PODXL2: variants seen among roughly 807,000 people sequenced by gnomAD.
PODXL2 encodes podocalyxin-like protein 2.
A neutral mutation model predicts 53.4 loss-of-function variants in PODXL2; 17 were observed. That is an observed-to-expected ratio of 0.32 (90% confidence interval 0.22 to 0.48). The LOEUF (loss-of-function observed/expected upper bound fraction) is 0.48, where lower values mean the gene tolerates loss of function less well. Ranked by LOEUF, PODXL2 falls within the 20% of genes least tolerant of loss-of-function variation. The pLI, the probability that PODXL2 is intolerant of heterozygous loss-of-function variation, is 0.99. For synonymous variants in PODXL2, 311 were observed against 306.7 expected (o/e 1.01, Z -0.15); for missense variants, 673 against 760.0 (o/e 0.89, Z 1.35).
intron 1 of PODXL2, among the ~76,000 whole-genome samples, chr3:127,634,164 G>A (rs1236391335): frequency 6.6e-6 from 1 of 152,100 alleles, no homozygotes; most frequent in South Asian, 2.1e-4. Flanking sequence ...AGTGGCTCAC[G>A]CCTGTAATCC....
At chr3:127,644,969 C>T (rs1488487392) in intron 2 of PODXL2, among the ~76,000 whole-genome samples, 1 of 152,236 alleles carries the variant, frequency 6.6e-6, no homozygotes, top group Non-Finnish European at 1.5e-5. Context: ...TCAATCTCTT[C>T]TCTGTACTAC....
intron 2 of PODXL2, among the ~76,000 whole-genome samples, chr3:127,654,325 ATCT>A (rs1424157468): frequency 2.6e-5 from 4 of 152,150 alleles, no homozygotes; most frequent in South Asian, 2.1e-4. Flanking sequence ...GTGATGCTGT[ATCT>A]TCTTAGTGAA....
At chr3:127,667,847 G>T (rs1377203133) in intron 4 of PODXL2, among the ~76,000 whole-genome samples, 1 of 152,190 alleles carries the variant, frequency 6.6e-6, no homozygotes, top group African/African-American at 2.4e-5. Context: ...CACACAGATG[G>T]CTTCCCCACT....
chr3:127,671,670 A>C (rs763659009), intron 7 of PODXL2, 57 bp downstream of exon 7: 303 of 1,523,522 alleles, frequency 2.0e-4, no homozygotes, highest in Non-Finnish European at 2.6e-4. Context: ...GCCCATCGAT[A>C]GGTGTCCTCA....
Position 127,661,098 on chromosome 3 carries a change from A to G in PODXL2, c.1070A>G (p.Gln357Arg), listed in dbSNP as rs148570678. 1.2e-5 allele frequency: 19 copies of G among 1,614,094 alleles called. No homozygotes were observed. The African/African-American group carries it at 2.5e-4, about 22-fold the overall frequency. ...ACCTTGGGACAAGAAGATCTCAACC[A>G]GCAGCTCCTAGAAGGGCAGGCAGCT... is the stretch of plus-strand genomic sequence containing the variant. ...SATLGQEDLN[Q>R]QLLEGQAAEA... Residue 357 changes from glutamine (Q) to arginine (R), a missense_variant, in exon 3 of 8, where the codon CAG becomes CGG. Gln to Arg is a conservative substitution (Grantham distance 43, BLOSUM62 1). Around this residue, in one of 3 missense-constraint regions of PODXL2, gnomAD observed 588 missense variants for 668.3 expected, o/e 0.88. Transcript: ENST00000342480.
At chr3:127,658,378 T>G (rs2074738643) in intron 2 of PODXL2, among the ~76,000 whole-genome samples, 1 of 151,554 alleles carries the variant, frequency 6.6e-6, no homozygotes, top group Non-Finnish European at 1.5e-5. Context: ...TTCATTGCAT[T>G]CCTCTCATGT....
At chr3:127,670,349 G>A (rs2074824501) in intron 6 of PODXL2, among the ~76,000 whole-genome samples, 1 of 152,212 alleles carries the variant, frequency 6.6e-6, no homozygotes, top group South Asian at 2.1e-4. Context: ...TCTACTGCCT[G>A]GAGGGCCACT....
At chr3:127,662,169 G>A (rs1192246875) in intron 3 of PODXL2, 68 bp from the exon 4 acceptor site, 83 of 1,395,850 alleles carry the variant, frequency 5.9e-5, no homozygotes, top group Middle Eastern at 1.8e-4. Context: ...CCTCCGACCG[G>A]GGCTCTCTCC....
At chr3:127,649,625 A>G (rs914690089) in intron 2 of PODXL2, among the ~76,000 whole-genome samples, 45 of 152,220 alleles carry the variant, frequency 3.0e-4, no homozygotes, top group Non-Finnish European at 7.3e-5. Flanking sequence ...TTTGATGACT[A>G]TTGAGGTTGA....
chr3:127,668,889 G>A (rs565178484), intron 5 of PODXL2, among the ~76,000 whole-genome samples: 2 of 152,322 alleles, frequency 1.3e-5, no homozygotes, highest in African/African-American at 4.8e-5. Flanking sequence ...GAGAAGGGGT[G>A]TGTTCAGAAG....
intron 2 of PODXL2, among the ~76,000 whole-genome samples, chr3:127,648,388 G>T (rs2074668347): frequency 6.6e-6 from 1 of 152,228 alleles, no homozygotes; most frequent in Non-Finnish European, 1.5e-5. Context: ...CACACATCAG[G>T]TGTATCCATG....
chr3:127,632,588 C>G (rs1229938871), intron 1 of PODXL2, among the ~76,000 whole-genome samples: 1 of 152,156 alleles, frequency 6.6e-6, no homozygotes. Flanking sequence ...CATCAGTTGA[C>G]TTTTTTCTTC....
chr3:127,652,367 A>C (rs2074695186), intron 2 of PODXL2, among the ~76,000 whole-genome samples: 1 of 152,126 alleles, frequency 6.6e-6, no homozygotes, highest in Non-Finnish European at 1.5e-5. Context: ...CTGTGACTTC[A>C]CAGTGCCATT....
Position 127,662,282 on chromosome 3 carries a change from A to G in PODXL2, c.1177A>G (p.Ile393Val). The change falls in exon 4 of 8, where the codon ATT (isoleucine) becomes GTT (valine). Residue 393 changes from isoleucine to valine, a missense_variant. Ile to Val is a conservative substitution (Grantham distance 29). Around this residue, in one of 3 missense-constraint regions of PODXL2, gnomAD observed 588 missense variants for 668.3 expected, o/e 0.88. Coordinates refer to ENST00000342480, the MANE Select transcript of PODXL2 (RefSeq NM_015720.4). Reference sequence around the variant, plus strand: ...CAATCTGGCTGGGAAAAACTACATCATTCTGAACATGACAGAGAACATAGA... The same window carrying G: ...CAATCTGGCTGGGAAAAACTACATCGTTCTGAACATGACAGAGAACATAGA... ...WSNLAGKNYI[I>V]LNMTENIDCE... 2 of 1,613,984 alleles carry G rather than the reference A, an allele frequency of 1.2e-6. No individual in the cohort carries two copies. The highest frequency in any genetic ancestry group is 2.7e-5 in the African/African-American group (2 of 75,030).
intron 2 of PODXL2, among the ~76,000 whole-genome samples, chr3:127,653,414 A>G (rs1046852957): frequency 6.6e-5 from 10 of 152,236 alleles, no homozygotes; most frequent in Admixed American, 5.9e-4. Flanking sequence ...TGGGAGGCCA[A>G]GGCAGGCAGA....
intron 2 of PODXL2, among the ~76,000 whole-genome samples, chr3:127,657,948 C>T (rs1289472416): frequency 6.6e-6 from 1 of 152,184 alleles, no homozygotes; most frequent in African/African-American, 2.4e-5. Context: ...TCTGAATTCT[C>T]TTTTGTTAAC....
intron 6 of PODXL2, among the ~76,000 whole-genome samples, chr3:127,671,062 GTC>G (rs1381444418): frequency 1.3e-5 from 2 of 152,294 alleles, no homozygotes; most frequent in East Asian, 3.9e-4. Context: ...CACATCTCCT[GTC>G]TCTCTAACTA....
At chr3:127,656,414 A>AC (rs1163665778) in intron 2 of PODXL2, among the ~76,000 whole-genome samples, 1 of 152,020 alleles carries the variant, frequency 6.6e-6, no homozygotes, top group Admixed American at 6.6e-5. Flanking sequence ...ACACAGGGAG[A>AC]CCCCATCTCT....
chr3:127,647,777 G>A (rs533879638), intron 2 of PODXL2, among the ~76,000 whole-genome samples: 1 of 152,316 alleles, frequency 6.6e-6, no homozygotes, highest in Admixed American at 6.5e-5. Flanking sequence ...AGGGAGCTCT[G>A]CCTTCCCAGC....
Sources: allele counts gnomAD v4.1 joint callset (sites outside exome capture counted in the v4.1 genomes callset), GRCh38; gene constraint gnomAD v4.1.1; regional missense constraint gnomAD v4.1.1; transcripts MANE v1.5; gene names NCBI Gene and HGNC (gene_info 2026-07-23, HGNC 2026-07-21).